Variants in HEMK2 observed in about 807,000 individuals in gnomAD.
The protein encoded by HEMK2 is methyltransferase HEMK2.
At chr21:28,595,275 C>T in the HEMK2 span, among the ~76,000 whole-genome samples, 1 of 12,050 alleles carries the variant, frequency 8.3e-5, no homozygotes, top group African/African-American at 1.0e-3. Flanking sequence ...CTTATTCATT[C>T]GTTCTAGTTT....
At chr21:28,825,554 T>C in the HEMK2 span, among the ~76,000 whole-genome samples, 140 of 152,272 alleles carry the variant, frequency 9.2e-4, no homozygotes, top group Non-Finnish European at 1.7e-3. Flanking sequence ...TCTGGAGTAC[T>C]AGGCAGATAA....
chr21:28,751,234 G>GGAAAAAA, the HEMK2 span, among the ~76,000 whole-genome samples: 2 of 125,398 alleles, frequency 1.6e-5, no homozygotes, highest in African/African-American at 6.1e-5. Flanking sequence ...CTGTCTCAAT[G>GGAAAAAA]AAAAAAAAAA....
the HEMK2 span, among the ~76,000 whole-genome samples, chr21:28,753,369 A>T: frequency 6.6e-6 from 1 of 151,964 alleles, no homozygotes; most frequent in Non-Finnish European, 1.5e-5. Flanking sequence ...AAAAAAAAAA[A>T]AAAAAGTAGA....
the HEMK2 span, among the ~76,000 whole-genome samples, chr21:28,718,403 T>C: frequency 1.3e-3 from 197 of 152,350 alleles, no homozygotes; most frequent in East Asian, 1.5e-3. Context: ...TCTGTGGCTA[T>C]TGGCTGAAGT....
the HEMK2 span, among the ~76,000 whole-genome samples, chr21:28,833,302 C>G: frequency 2.0e-5 from 3 of 152,224 alleles, no homozygotes; most frequent in African/African-American, 7.2e-5. Flanking sequence ...GCACACAAGG[C>G]CAAGCAACCA....
At chr21:28,737,137 G>T in the HEMK2 span, among the ~76,000 whole-genome samples, 1 of 152,086 alleles carries the variant, frequency 6.6e-6, no homozygotes, top group Non-Finnish European at 1.5e-5. Flanking sequence ...TAATTGGTTG[G>T]TTTTTGAGTC....
At chr21:28,832,852 A>G in the HEMK2 span, among the ~76,000 whole-genome samples, 1 of 152,260 alleles carries the variant, frequency 6.6e-6, no homozygotes, top group East Asian at 1.9e-4. Context: ...AAGGAACTCA[A>G]ATTCAGATTC....
the HEMK2 span, among the ~76,000 whole-genome samples, chr21:28,726,784 T>C: frequency 6.6e-6 from 1 of 150,410 alleles, no homozygotes; most frequent in Non-Finnish European, 1.5e-5. Context: ...GGTGGGTGCC[T>C]GTAATCCCAG....
chr21:28,792,185 C>T, the HEMK2 span, among the ~76,000 whole-genome samples: 7 of 152,070 alleles, frequency 4.6e-5, no homozygotes, highest in South Asian at 2.1e-4. Context: ...GGAAAACTCA[C>T]GAATAATCAA....
chr21:28,688,017 G>A, the HEMK2 span, among the ~76,000 whole-genome samples: 1 of 152,176 alleles, frequency 6.6e-6, no homozygotes, highest in African/African-American at 2.4e-5. Flanking sequence ...ATGAATCACT[G>A]GTTAAAAATA....
At chr21:28,713,757 G>T in the HEMK2 span, among the ~76,000 whole-genome samples, 81,115 of 152,006 alleles carry the variant, frequency 0.53, 23,571 homozygotes, top group East Asian at 0.84. Context: ...GTCTACCTCC[G>T]TCTTTAGACC....
the HEMK2 span, chr21:28,879,930 C>A: frequency 1.2e-6 from 2 of 1,602,624 alleles, no homozygotes; most frequent in African/African-American, 1.3e-5. Flanking sequence ...CTTTTTCGGT[C>A]AATCTTGGTA....
the HEMK2 span, among the ~76,000 whole-genome samples, chr21:28,629,380 A>G: frequency 1.1e-4 from 16 of 152,348 alleles, no homozygotes; most frequent in Non-Finnish European, 1.9e-4. Context: ...TGGTCACGCA[A>G]TCACCTCGAC....
chr21:28,627,524 T>C, the HEMK2 span, among the ~76,000 whole-genome samples: 2 of 152,168 alleles, frequency 1.3e-5, no homozygotes. Context: ...AAATGAATTA[T>C]TTGTAAGCGC....
chr21:28,808,627 T>C, the HEMK2 span, among the ~76,000 whole-genome samples: 292 of 152,176 alleles, frequency 1.9e-3, no homozygotes, highest in African/African-American at 6.8e-3. Flanking sequence ...ATTATATCTT[T>C]ATGTTATTAT....
the HEMK2 span, among the ~76,000 whole-genome samples, chr21:28,723,102 T>C: frequency 1.3e-5 from 2 of 152,106 alleles, no homozygotes; most frequent in East Asian, 3.9e-4. Flanking sequence ...CTCCAACTCC[T>C]GGGCAGAAGC....
chr21:28,769,567 G>T, the HEMK2 span, among the ~76,000 whole-genome samples: 1,161 of 152,098 alleles, frequency 7.6e-3, 13 homozygotes, highest in African/African-American at 0.026. Flanking sequence ...TCTCTTGAGG[G>T]TGATATAAAA....
chr21:28,730,383 GACACACACACACAC>G, the HEMK2 span, among the ~76,000 whole-genome samples: 1 of 115,830 alleles, frequency 8.6e-6, no homozygotes, highest in African/African-American at 4.3e-5. Context: ...AACACACACA[GACACACACACACAC>G]ACACACACAC....
chr21:28,851,208 G>A, the HEMK2 span, among the ~76,000 whole-genome samples: 26 of 152,276 alleles, frequency 1.7e-4, no homozygotes, highest in Admixed American at 3.3e-4. Flanking sequence ...CCAAATCCTA[G>A]AGGCTGCCAC....
Sources: allele counts gnomAD v4.1 joint callset (sites outside exome capture counted in the v4.1 genomes callset), GRCh38; gene constraint gnomAD v4.1.1; transcripts MANE v1.5; gene names NCBI Gene and HGNC (gene_info 2026-07-23, HGNC 2026-07-21).